KCTD8: variants seen among roughly 807,000 people sequenced by gnomAD.
KCTD8 encodes the protein potassium channel tetramerization domain containing 8.
Under a neutral mutation model 31.5 loss-of-function variants are expected in KCTD8, and 27 were observed. The observed-to-expected ratio is 0.86, with a 90% CI of 0.63 to 1.18. The LOEUF is 1.18. Among genes scored for constraint, KCTD8 ranks in the 50% most tolerant of loss-of-function variants. The probability of loss-of-function intolerance (pLI) is 0.00; values close to 1 mark genes in which losing one functional copy is unlikely to be tolerated. For missense variants in KCTD8, 658 were observed against 647.7 expected (o/e 1.02, Z -0.17); for synonymous variants, 290 against 280.0 (o/e 1.04, Z -0.36).
At chr4:44,402,948 T>C (rs964261126) in intron 1 of KCTD8, among the ~76,000 whole-genome samples, 7 of 152,184 alleles carry the variant, frequency 4.6e-5, no homozygotes, top group Admixed American at 3.9e-4. Flanking sequence ...GATATCATGA[T>C]ATAAATGTGC....
At chr4:44,407,192 C>G (rs1048036332) in intron 1 of KCTD8, among the ~76,000 whole-genome samples, 2 of 152,112 alleles carry the variant, frequency 1.3e-5, no homozygotes, top group Admixed American at 6.5e-5. Flanking sequence ...GCAGCATCCT[C>G]TCATTCATCT....
At chr4:44,265,259 C>T (rs1482964261) in intron 1 of KCTD8, among the ~76,000 whole-genome samples, 12 of 152,066 alleles carry the variant, frequency 7.9e-5, no homozygotes, top group South Asian at 4.1e-4. Context: ...CTGCAGACAC[C>T]GCTGCTGACA....
At chr4:44,340,948 A>T (rs1287311398) in intron 1 of KCTD8, among the ~76,000 whole-genome samples, 1 of 151,738 alleles carries the variant, frequency 6.6e-6, no homozygotes, top group Non-Finnish European at 1.5e-5. Context: ...TATATAACAT[A>T]TATAAAATGT....
At chr4:44,433,677 C>A (rs1435844068) in intron 1 of KCTD8, among the ~76,000 whole-genome samples, 1 of 151,704 alleles carries the variant, frequency 6.6e-6, no homozygotes, top group Non-Finnish European at 1.5e-5. Context: ...ATTTGGCCAG[C>A]CAGTTGACAT....
At chr4:44,386,854 C>A (rs1462353869) in intron 1 of KCTD8, among the ~76,000 whole-genome samples, 1 of 151,600 alleles carries the variant, frequency 6.6e-6, no homozygotes, top group Admixed American at 6.6e-5. Context: ...CCTAAATGTT[C>A]ATCAACAGAT....
chr4:44,434,365 G>A (rs115233237), intron 1 of KCTD8, among the ~76,000 whole-genome samples: 21 of 151,758 alleles, frequency 1.4e-4, no homozygotes, highest in African/African-American at 5.1e-4. Flanking sequence ...TTAATCCTTG[G>A]GGCAACTCTC....
intron 1 of KCTD8, among the ~76,000 whole-genome samples, chr4:44,286,027 C>CA (rs1717060257): frequency 6.6e-6 from 1 of 151,970 alleles, no homozygotes; most frequent in African/African-American, 2.4e-5. Flanking sequence ...AAGCTGATTC[C>CA]AACCCTTATC....
rs552577908 is a variant in KCTD8 at position 44,259,821 on chromosome 4, T to G, written c.962-84571A>C. Among the ~76,000 whole-genome samples, 8 of 152,084 alleles carry G rather than the reference T, an allele frequency of 5.3e-5. No homozygotes were observed. The East Asian group carries it at 1.5e-3, about 29-fold the overall frequency. Reference sequence around the variant, plus strand: ...AGGTCTAAAGGCAAATTGTTCTTTATGCATCTGTTATTTGAGGTATATTGG... The same window carrying G: ...AGGTCTAAAGGCAAATTGTTCTTTAGGCATCTGTTATTTGAGGTATATTGG... On this transcript the variant is annotated intron_variant, in intron 1 of 1. Coordinates refer to ENST00000360029, the MANE Select transcript of KCTD8 (RefSeq NM_198353.3).
Position 44,320,972 on chromosome 4 carries a change from G to T in KCTD8, c.961+126591C>A, listed in dbSNP as rs535614850. 1.1e-4 allele frequency among the ~76,000 whole-genome samples: 17 copies of T among 152,324 alleles called. No homozygotes were observed. In the South Asian group the frequency reaches 3.3e-3, roughly 30 times the overall value. ...AAGCCTGATAGTGAAACTGGAAGGTGCCAAAAATAGCATTCCCAGGTGTAT... is the reference window on the plus strand; with the variant it reads ...AAGCCTGATAGTGAAACTGGAAGGTTCCAAAAATAGCATTCCCAGGTGTAT... On this transcript the variant is annotated intron_variant, in intron 1 of 1. Transcript: ENST00000360029.
intron 1 of KCTD8, among the ~76,000 whole-genome samples, chr4:44,347,159 T>C (rs1481952470): frequency 6.6e-6 from 1 of 152,224 alleles, no homozygotes; most frequent in Non-Finnish European, 1.5e-5. Flanking sequence ...TGCTAACTTG[T>C]AGAAATGAGC....
At chr4:44,257,514 C>T (rs975557238) in intron 1 of KCTD8, among the ~76,000 whole-genome samples, 1 of 151,970 alleles carries the variant, frequency 6.6e-6, no homozygotes, top group African/African-American at 2.4e-5. Flanking sequence ...TTTAAATATA[C>T]ATAGAAAAAC....
intron 1 of KCTD8, among the ~76,000 whole-genome samples, chr4:44,317,956 T>G (rs532385009): frequency 1.3e-5 from 2 of 152,190 alleles, no homozygotes; most frequent in Admixed American, 6.5e-5. Flanking sequence ...ATGGAATGCA[T>G]CTCTTTCAGA....
intron 1 of KCTD8, among the ~76,000 whole-genome samples, chr4:44,421,665 T>C (rs1721215348): frequency 6.6e-6 from 1 of 152,110 alleles, no homozygotes; most frequent in African/African-American, 2.4e-5. Flanking sequence ...TTCATACAGA[T>C]TCTCAAAGGT....
At chr4:44,189,325 A>T (rs533474632) in intron 1 of KCTD8, among the ~76,000 whole-genome samples, 1 of 152,292 alleles carries the variant, frequency 6.6e-6, no homozygotes, top group African/African-American at 2.4e-5. Context: ...CATAGAATGA[A>T]TCTATTCCCT....
chr4:44,392,642 A>G (rs1367750577), intron 1 of KCTD8, among the ~76,000 whole-genome samples: 1 of 152,022 alleles, frequency 6.6e-6, no homozygotes, highest in Non-Finnish European at 1.5e-5. Flanking sequence ...AAGATGCTTA[A>G]TAAGTGGTTT....
At chr4:44,318,642 G>A (rs1718207720) in intron 1 of KCTD8, among the ~76,000 whole-genome samples, 1 of 152,182 alleles carries the variant, frequency 6.6e-6, no homozygotes, top group Non-Finnish European at 1.5e-5. Context: ...AGGGAAGAGG[G>A]CCGAGAACAG....
At chr4:44,295,047 C>G (rs1402281672) in intron 1 of KCTD8, among the ~76,000 whole-genome samples, 1 of 152,074 alleles carries the variant, frequency 6.6e-6, no homozygotes, top group African/African-American at 2.4e-5. Context: ...AATCTCAGCA[C>G]TTTGGGAGCC....
intron 1 of KCTD8, among the ~76,000 whole-genome samples, chr4:44,249,225 T>G (rs531155457): frequency 7.9e-5 from 12 of 151,870 alleles, no homozygotes; most frequent in African/African-American, 2.7e-4. Flanking sequence ...GAAATATAGG[T>G]TAATGAATTT....
chr4:44,312,157 T>G (rs1403752723), intron 1 of KCTD8, among the ~76,000 whole-genome samples: 2 of 151,984 alleles, frequency 1.3e-5, no homozygotes, highest in Non-Finnish European at 2.9e-5. Flanking sequence ...TCCTCAAAGG[T>G]TTTTCAGATG....
Sources: allele counts gnomAD v4.1 joint callset (sites outside exome capture counted in the v4.1 genomes callset), GRCh38; gene constraint gnomAD v4.1.1; transcripts MANE v1.5; gene names NCBI Gene and HGNC (gene_info 2026-07-23, HGNC 2026-07-21).